The following EYA1 variants were observed in gnomAD, a reference collection of about 807,000 sequenced individuals.
EYA1 encodes the protein protein phosphatase EYA1.
In EYA1, 16 loss-of-function variants were observed where a neutral mutation model predicts 82.0. The observed-to-expected ratio is 0.20, with a 90% CI of 0.13 to 0.30. The LOEUF (loss-of-function observed/expected upper bound fraction) is 0.30, where lower values mean the gene tolerates loss of function less well. Among genes scored for constraint, EYA1 ranks in the 10% least tolerant of loss-of-function variants. The probability of loss-of-function intolerance (pLI) is 1.00; values close to 1 mark genes in which losing one functional copy is unlikely to be tolerated. For missense variants in EYA1, 633 were observed against 730.7 expected (o/e 0.87, Z 1.54); for synonymous variants, 261 against 264.4 (o/e 0.99, Z 0.12).
At chr8:71,232,575 C>A (rs972367047) in intron 12 of EYA1, among the ~76,000 whole-genome samples, 1 of 152,200 alleles carries the variant, frequency 6.6e-6, no homozygotes. Context: ...CGGCATGCAA[C>A]TGGGGGTGGG....
chr8:71,449,715 C>T (rs962998913), intron 2 of EYA1, among the ~76,000 whole-genome samples: 2 of 152,192 alleles, frequency 1.3e-5, no homozygotes, highest in East Asian at 1.9e-4. Flanking sequence ...ACCTTTGAAG[C>T]TTTGAAACCA....
intron 2 of EYA1, among the ~76,000 whole-genome samples, chr8:71,419,538 T>C (rs1308606196): frequency 6.6e-6 from 1 of 152,128 alleles, no homozygotes; most frequent in Non-Finnish European, 1.5e-5. Context: ...CAGTTGTTGG[T>C]GGGGAATTGG....
intron 2 of EYA1, among the ~76,000 whole-genome samples, chr8:71,377,093 T>C (rs1828417873): frequency 6.6e-6 from 1 of 152,184 alleles, no homozygotes; most frequent in Non-Finnish European, 1.5e-5. Context: ...CAATGAACCA[T>C]ACCTCCTCAA....
chr8:71,435,635 C>T (rs1322299808), intron 2 of EYA1, among the ~76,000 whole-genome samples: 1 of 152,060 alleles, frequency 6.6e-6, no homozygotes, highest in African/African-American at 2.4e-5. Flanking sequence ...TGGTATTTCC[C>T]ATGCTGCTTA....
chr8:71,278,172 A>G (rs1402579106), intron 9 of EYA1, among the ~76,000 whole-genome samples: 1 of 151,414 alleles, frequency 6.6e-6, no homozygotes, highest in Non-Finnish European at 1.5e-5. Flanking sequence ...GTGGATGTAC[A>G]ACACTTACCA....
intron 11 of EYA1, among the ~76,000 whole-genome samples, chr8:71,253,501 ACTTCC>A (rs1168478576): frequency 6.6e-6 from 1 of 152,144 alleles, no homozygotes; most frequent in Non-Finnish European, 1.5e-5. Flanking sequence ...ATAGTTGATT[ACTTCC>A]CAGTCAAGAT....
chr8:71,478,580 G>A (rs1421779426), intron 2 of EYA1, among the ~76,000 whole-genome samples: 1 of 152,208 alleles, frequency 6.6e-6, no homozygotes, highest in African/African-American at 2.4e-5. Context: ...ACCTCTACCT[G>A]TGAACAGCCA....
At chr8:71,483,686 T>C (rs574224683) in intron 2 of EYA1, among the ~76,000 whole-genome samples, 1 of 152,070 alleles carries the variant, frequency 6.6e-6, no homozygotes, top group Non-Finnish European at 1.5e-5. Flanking sequence ...TGTGTGTGTG[T>C]GTGTGTTGGG....
intron 2 of EYA1, among the ~76,000 whole-genome samples, chr8:71,458,335 C>A (rs1453633752): frequency 6.6e-6 from 1 of 151,828 alleles, no homozygotes; most frequent in African/African-American, 2.4e-5. Context: ...GGGGTACTTC[C>A]TGAAACATTC....
At chr8:71,224,408 G>C (rs1205297059) in intron 12 of EYA1, among the ~76,000 whole-genome samples, 1 of 152,208 alleles carries the variant, frequency 6.6e-6, no homozygotes, top group Non-Finnish European at 1.5e-5. Flanking sequence ...TGCCTATTGA[G>C]ACCAGCTGGA....
Position 71,321,787 on chromosome 8 carries a change from G to C in EYA1, c.365C>G (p.Thr122Arg), listed in dbSNP as rs971427687. Residue 122 changes from threonine to arginine, a missense_variant, in exon 6 of 18, where the codon ACA (threonine) becomes AGA (arginine). Coordinates refer to ENST00000340726, the MANE Select transcript of EYA1 (RefSeq NM_000503.6). ...TQFTTGMQQA[T>R]AYATYPQPGQ... is the part of the protein sequence containing the mutation. Reference sequence around the variant, plus strand: ...TGGCTGTGGGTACGTGGCATAGGCTGTAGCTTGTTGCATTCCTGTGGTAAA... The same window carrying C: ...TGGCTGTGGGTACGTGGCATAGGCTCTAGCTTGTTGCATTCCTGTGGTAAA... The C allele has an allele frequency of 1.9e-6, 3 of 1,614,228 alleles. No individual in the cohort carries two copies. The South Asian group carries it at 3.3e-5, about 18-fold the overall frequency.
intron 12 of EYA1, among the ~76,000 whole-genome samples, chr8:71,222,230 A>T (rs1810013977): frequency 6.6e-6 from 1 of 152,138 alleles, no homozygotes. Flanking sequence ...GGTAACTCGG[A>T]TACCTTCCAC....
At chr8:71,378,418 A>G (rs909606490) in intron 2 of EYA1, among the ~76,000 whole-genome samples, 3 of 152,198 alleles carry the variant, frequency 2.0e-5, no homozygotes, top group Non-Finnish European at 4.4e-5. Context: ...AGCCTAAATC[A>G]TGAATTCAGG....
At chr8:71,395,244 C>A (rs1277876929) in intron 2 of EYA1, among the ~76,000 whole-genome samples, 1 of 152,206 alleles carries the variant, frequency 6.6e-6, no homozygotes, top group Non-Finnish European at 1.5e-5. Context: ...CAAACAGGGA[C>A]AATTTGACTT....
rs771397353 is a variant in EYA1 at position 71,215,717 on chromosome 8, G to C, written c.1372C>G (p.Pro458Ala). ...YKNNVGGLLG[P>A]AKREAWLQLR... ...TGCAGCCAGGCTTCCCTCTTAGCTG[G>C]ACCAAGCAGACCTGAGGATTTAAAA... Residue 458 changes from proline (P) to alanine (A), a missense_variant, in exon 15 of 18, where the codon CCA becomes GCA. Pro to Ala is a conservative substitution (Grantham distance 27). Coordinates refer to ENST00000340726, the MANE Select transcript of EYA1 (RefSeq NM_000503.6). 7 of 1,612,108 alleles carry C rather than the reference G, an allele frequency of 4.3e-6. No individual in the cohort carries two copies. The East Asian group carries it at 6.7e-5, about 15-fold the overall frequency.
chr8:71,499,133 T>C (rs1178168392), intron 2 of EYA1, among the ~76,000 whole-genome samples: 2 of 152,016 alleles, frequency 1.3e-5, no homozygotes, highest in Non-Finnish European at 2.9e-5. Flanking sequence ...TTTCCTCACA[T>C]TCTAAATAAC....
At chr8:71,335,359 G>T (rs1211198621) in intron 3 of EYA1, among the ~76,000 whole-genome samples, 1 of 152,058 alleles carries the variant, frequency 6.6e-6, no homozygotes, top group Non-Finnish European at 1.5e-5. Flanking sequence ...ATAACTCCTG[G>T]ATCTTCAAAT....
intron 2 of EYA1, among the ~76,000 whole-genome samples, chr8:71,424,632 T>A (rs1452402319): frequency 6.6e-6 from 1 of 152,206 alleles, no homozygotes; most frequent in Non-Finnish European, 1.5e-5. Flanking sequence ...GAATGTCACC[T>A]TATCTGCCCA....
At chr8:71,332,453 CT>C (rs1348782257) in intron 4 of EYA1, among the ~76,000 whole-genome samples, 1 of 152,162 alleles carries the variant, frequency 6.6e-6, no homozygotes, top group African/African-American at 2.4e-5. Context: ...TCACTTACCC[CT>C]ATACCCATTG....
Sources: gnomAD v4.1 joint callset for allele counts (sites outside exome capture counted in the v4.1 genomes callset) on GRCh38, gnomAD v4.1.1 for gene constraint, MANE v1.5 for transcripts, NCBI Gene and HGNC (gene_info 2026-07-23, HGNC 2026-07-21) for gene names.